The following FBXO45 variants were observed in gnomAD, a reference collection of about 807,000 sequenced individuals.
FBXO45 encodes the protein F-box protein 45.
FBXO45 carries 3 observed loss-of-function variants against 25.5 expected under a neutral mutation model. That is an observed-to-expected ratio of 0.12 (90% confidence interval 0.05 to 0.30). The LOEUF (loss-of-function observed/expected upper bound fraction) is 0.30, where lower values mean the gene tolerates loss of function less well. Ranked by LOEUF, FBXO45 falls within the 10% of genes least tolerant of loss-of-function variation. The pLI is 1.00. For missense variants in FBXO45, 219 were observed against 365.0 expected, an observed-to-expected ratio of 0.60 and a Z score of 3.26; for synonymous variants, 155 against 149.8, an observed-to-expected ratio of 1.03 and a Z score of -0.25.
At position 196,577,936 on chromosome 3, in the gene FBXO45, A is replaced by AT. The variant is rs1449925878; in HGVS notation, c.675+133dup. ...TAATTTTTATTTTTATTATTTTTTT[A>AT]TTTTTTCAGATACCCAGACTTCAAG... On this transcript the variant is annotated intron_variant, in intron 2 of 2. Transcript: ENST00000311630. The AT allele has an allele frequency of 8.6e-6, 4 of 463,558 alleles. No homozygotes were observed. In the African/African-American group the frequency reaches 1.1e-4, roughly 13 times the overall value. 28.7% of individuals were successfully genotyped at this position (463,558 alleles called of 1,614,324 possible).
chr3:196,574,710 G>C (rs1346018274), intron 1 of FBXO45, among the ~76,000 whole-genome samples: 1 of 152,192 alleles, frequency 6.6e-6, no homozygotes, highest in African/African-American at 2.4e-5. Context: ...GAAAATAAGA[G>C]CTGCTAAATT....
rs931257779 is a variant in FBXO45, at chr3:196,587,140, C to T, written c.*2822C>T. Reference sequence around the variant, plus strand: ...CGAAGCATGCAGATGTGGAAGCAGACGTTACTATTATCCCTACTATGGTCT... The same window carrying T: ...CGAAGCATGCAGATGTGGAAGCAGATGTTACTATTATCCCTACTATGGTCT... On this transcript the variant is annotated 3_prime_UTR_variant, in exon 3 of 3. Transcript: ENST00000311630. 4 of 152,252 alleles carry T rather than the reference C, an allele frequency of 2.6e-5. No homozygotes were observed. The highest frequency in any genetic ancestry group is 1.9e-4 in the East Asian group (1 of 5,192). 9.4% of individuals were successfully genotyped at this position (152,252 alleles called of 1,614,324 possible).
At chr3:196,578,043 A>ATTGTTTTTTTTTTTT (rs1196867210) in intron 2 of FBXO45, among the ~76,000 whole-genome samples, 2 of 25,190 alleles carry the variant, frequency 7.9e-5, no homozygotes, top group African/African-American at 2.5e-4. Context: ...GCAGAAAAAT[A>ATTGTTTTTTTTTTTT]TTCTTTTTTT....
rs184215995 is a variant in FBXO45, at chr3:196,580,400, C to G, written c.675+2591C>G. Reference sequence around the variant, plus strand: ...CTAATTTTTGTATTTTTAGTAGAGACGGGGTTTCACCACGTTGGCCAGGCT... The same window carrying G: ...CTAATTTTTGTATTTTTAGTAGAGAGGGGGTTTCACCACGTTGGCCAGGCT... On this transcript the variant is annotated intron_variant, in intron 2 of 2. Transcript: ENST00000311630. 3.3e-3 allele frequency among the ~76,000 whole-genome samples: 496 copies of G among 152,078 alleles called. 6 individuals are homozygous for G. Among genetic ancestry groups the G allele is most frequent in the African/African-American group, 0.011 (463 of 41,490 alleles).
rs1040995438 is a variant in FBXO45, at chr3:196,584,535, A to G, written c.*217A>G. 2.1e-6 allele frequency: 1 copy of G among 474,022 alleles called. No homozygotes were observed. The highest frequency in any genetic ancestry group is 3.8e-5 in the South Asian group (1 of 26,044). The allele number at this position is 474,022 out of a possible 1,614,324, so 29.4% of individuals were successfully genotyped here. On this transcript the variant is annotated 3_prime_UTR_variant, in exon 3 of 3. Coordinates refer to ENST00000311630, the MANE Select transcript of FBXO45 (RefSeq NM_001105573.2). The surrounding 1 kb of genome is among the most constrained non-coding windows in gnomAD (Gnocchi z 4.3). Reference sequence around the variant, plus strand: ...CAGGGTTGCAGTTGGTTGAGTGGGCAGTTGACATATGCATGTTGCACCCGA... The same window carrying G: ...CAGGGTTGCAGTTGGTTGAGTGGGCGGTTGACATATGCATGTTGCACCCGA...
chr3:196,570,845 G>A (rs934399983), intron 1 of FBXO45, among the ~76,000 whole-genome samples: 2 of 151,646 alleles, frequency 1.3e-5, no homozygotes, highest in African/African-American at 4.8e-5. Context: ...CTGAGTAGCT[G>A]GGATTACAGG....
intron 1 of FBXO45, among the ~76,000 whole-genome samples, chr3:196,571,415 G>A (rs1735824488): frequency 6.6e-6 from 1 of 151,918 alleles, no homozygotes; most frequent in Non-Finnish European, 1.5e-5. Flanking sequence ...TTAGAGACAC[G>A]GGGTCTCACC....
chr3:196,586,802 C>A lies in FBXO45; in HGVS notation c.*2484C>A, dbSNP rs1736118212. 6.6e-6 allele frequency: 1 copy of A among 152,050 alleles called. No homozygotes were observed. The highest frequency in any genetic ancestry group is 1.5e-5 in the Non-Finnish European group (1 of 68,030). 9.4% of individuals were successfully genotyped at this position (152,050 alleles called of 1,614,324 possible). ...ATGTTGGTCTGGAATATGAGCTGGTCATAAGGATTTTTAAAAACTTTCTGG... is the reference window on the plus strand; with the variant it reads ...ATGTTGGTCTGGAATATGAGCTGGTAATAAGGATTTTTAAAAACTTTCTGG... On this transcript the variant is annotated 3_prime_UTR_variant, in exon 3 of 3. Coordinates refer to ENST00000311630, the MANE Select transcript of FBXO45 (RefSeq NM_001105573.2).
chr3:196,570,309 C>T (rs1477638477), intron 1 of FBXO45, among the ~76,000 whole-genome samples: 1 of 149,608 alleles, frequency 6.7e-6, no homozygotes, highest in Non-Finnish European at 1.5e-5. Flanking sequence ...GTGATCTCGG[C>T]TCACCGCAAC....
rs903326679 is a variant in FBXO45, at chr3:196,587,791, G to A, written c.*3473G>A. 1.3e-5 allele frequency: 2 copies of A among 152,122 alleles called. No homozygotes were observed. Among genetic ancestry groups the A allele is most frequent in the Non-Finnish European group, 2.9e-5 (2 of 68,022 alleles). 9.4% of individuals were successfully genotyped at this position (152,122 alleles called of 1,614,324 possible). ...TTGAAGAGATAGAAACTTAGGGAGT[G>A]GTGTGTGTGTTTCTTTTTTGGAGAC... On this transcript the variant is annotated 3_prime_UTR_variant, in exon 3 of 3. Coordinates refer to ENST00000311630, the MANE Select transcript of FBXO45 (RefSeq NM_001105573.2).
chr3:196,571,885 A>T (rs1199887626), intron 1 of FBXO45, among the ~76,000 whole-genome samples: 1 of 152,230 alleles, frequency 6.6e-6, no homozygotes, highest in East Asian at 1.9e-4. Flanking sequence ...ATAAAAGATT[A>T]ATTCAAAAGG....
chr3:196,584,077 T>C lies in FBXO45; in HGVS notation c.676-56T>C. On this transcript the variant is annotated intron_variant, in intron 2 of 2. Transcript: ENST00000311630. This position sits in a 1 kb window ranked among gnomAD's most constrained non-coding sequence, Gnocchi z 4.3. ...TCAACTTCTTGATTTGTGTCTTGTTTCTTCTAGCTACACCCTTGGCAGATT... is the reference window on the plus strand; with the variant it reads ...TCAACTTCTTGATTTGTGTCTTGTTCCTTCTAGCTACACCCTTGGCAGATT... The C allele has an allele frequency of 6.6e-7, 1 of 1,511,034 alleles. No homozygotes were observed. The highest frequency in any genetic ancestry group is 1.4e-5 in the African/African-American group (1 of 71,046). The allele number at this position is 1,511,034 out of a possible 1,614,324, so 93.6% of individuals were successfully genotyped here.
At chr3:196,579,774 T>C (rs546630848) in intron 2 of FBXO45, among the ~76,000 whole-genome samples, 1 of 152,358 alleles carries the variant, frequency 6.6e-6, no homozygotes, top group Non-Finnish European at 1.5e-5. Context: ...TTTCTTCTTT[T>C]AGTTCTCTCA....
At chr3:196,583,333 C>T (rs1387709075) in intron 2 of FBXO45, among the ~76,000 whole-genome samples, 1 of 151,880 alleles carries the variant, frequency 6.6e-6, no homozygotes, top group East Asian at 1.9e-4. Context: ...CGGTGAAACC[C>T]GTCTCTACTA....
At chr3:196,578,874 G>A (rs1313238160) in intron 2 of FBXO45, among the ~76,000 whole-genome samples, 2 of 152,014 alleles carry the variant, frequency 1.3e-5, no homozygotes, top group African/African-American at 2.4e-5. Flanking sequence ...AATTCTTCCA[G>A]TGTGGCCCAG....
chr3:196,581,512 G>A (rs1302478853), intron 2 of FBXO45, among the ~76,000 whole-genome samples: 1 of 152,034 alleles, frequency 6.6e-6, no homozygotes, highest in African/African-American at 2.4e-5. Context: ...TGGGATTACA[G>A]GCGTGAGCCA....
At chr3:196,570,246 A>G (rs1044004125) in intron 1 of FBXO45, among the ~76,000 whole-genome samples, 32 of 145,234 alleles carry the variant, frequency 2.2e-4, no homozygotes, top group Non-Finnish European at 3.4e-4. Context: ...ATTAGTAACT[A>G]AAACGATAAC....
chr3:196,568,825 C>A lies in FBXO45; in HGVS notation c.-160C>A. 1 of 342,224 alleles carries A rather than the reference C, an allele frequency of 2.9e-6. No homozygotes were observed. The highest frequency in any genetic ancestry group is 4.1e-6 in the Non-Finnish European group (1 of 241,936). 21.2% of individuals were successfully genotyped at this position (342,224 alleles called of 1,614,324 possible). Reference sequence around the variant, plus strand: ...TCAGTGAGGCGGGGCGCGCGGCGGACGCCCCCGGGCAGGGGCGGGAGTGGT... The same window carrying A: ...TCAGTGAGGCGGGGCGCGCGGCGGAAGCCCCCGGGCAGGGGCGGGAGTGGT... On this transcript the variant is annotated 5_prime_UTR_variant, in exon 1 of 3. Coordinates refer to ENST00000311630, the MANE Select transcript of FBXO45 (RefSeq NM_001105573.2).
At position 196,571,006 on chromosome 3, in the gene FBXO45, G is replaced by A. The variant is rs367932430; in HGVS notation, c.318+1704G>A. 1.9e-4 allele frequency among the ~76,000 whole-genome samples: 29 copies of A among 151,928 alleles called. 1 individual carries two copies. The highest frequency in any genetic ancestry group is 1.4e-3 in the Admixed American group (22 of 15,270). ...ATTACAGGCGTGAGCTCATGCGCCC[G>A]GCCTCAAGTTGTTTTTCTATTAAGC... On this transcript the variant is annotated intron_variant, in intron 1 of 2. Transcript: ENST00000311630.
Sources: allele counts gnomAD v4.1 joint callset (sites outside exome capture counted in the v4.1 genomes callset), GRCh38; gene constraint gnomAD v4.1.1; non-coding constraint Gnocchi (gnomAD v3.1); transcripts MANE v1.5; gene names NCBI Gene and HGNC (gene_info 2026-07-23, HGNC 2026-07-21).